NKAIN3: variants seen among roughly 807,000 people sequenced by gnomAD.
NKAIN3 encodes sodium/potassium-transporting ATPase subunit beta-1-interacting protein 3.
Under a neutral mutation model 30.2 loss-of-function variants are expected in NKAIN3, and 25 were observed. The ratio of observed to expected loss-of-function variants is 0.83; its 90% CI spans 0.60 to 1.16. The LOEUF is 1.16. NKAIN3 is among the 50% of genes most tolerant of loss of function. The pLI, the probability that NKAIN3 is intolerant of heterozygous loss-of-function variation, is 0.00. For synonymous variants in NKAIN3, 91 were observed against 89.6 expected (o/e 1.02, Z -0.09); for missense variants, 225 against 254.1 (o/e 0.89, Z 0.78).
At chr8:62,941,553 A>G (rs1822953902) in intron 5 of NKAIN3, among the ~76,000 whole-genome samples, 1 of 152,192 alleles carries the variant, frequency 6.6e-6, no homozygotes. Context: ...TAAAAAGATA[A>G]TCCACCATAA....
Position 62,968,478 on chromosome 8 carries a change from G to A in NKAIN3, c.*3071G>A, listed in dbSNP as rs977989161. On this transcript the variant is annotated 3_prime_UTR_variant, in exon 7 of 7. Coordinates refer to ENST00000623646, the MANE Select transcript of NKAIN3 (RefSeq NM_001304533.3). ...CTTCTCCATATGCAATTGTGTGTCT[G>A]GTCAGAGTAAGGGAAAATGAATGCA... Among the ~76,000 whole-genome samples, 1 of 152,120 alleles carries A rather than the reference G, an allele frequency of 6.6e-6. No individual in the cohort carries two copies. The highest frequency in any genetic ancestry group is 6.5e-5 in the Admixed American group (1 of 15,270).
chr8:62,877,036 C>G (rs1209168772), intron 4 of NKAIN3, among the ~76,000 whole-genome samples: 1 of 151,366 alleles, frequency 6.6e-6, no homozygotes, highest in Non-Finnish European at 1.5e-5. Context: ...AGCTACCCTG[C>G]CTTGAAGGGG....
chr8:62,254,910 C>T (rs1394908542), intron 1 of NKAIN3, among the ~76,000 whole-genome samples: 2 of 152,142 alleles, frequency 1.3e-5, no homozygotes, highest in Admixed American at 6.5e-5. Flanking sequence ...TAATAAATGA[C>T]ATAGACCCTT....
chr8:62,740,669 C>G (rs12677485), intron 3 of NKAIN3, among the ~76,000 whole-genome samples: 1 of 151,470 alleles, frequency 6.6e-6, no homozygotes, highest in Non-Finnish European at 1.5e-5. Flanking sequence ...TAAGCTGATT[C>G]TAATATAGCA....
intron 3 of NKAIN3, among the ~76,000 whole-genome samples, chr8:62,594,794 T>TTCCTCACTTCCTTTCTTCCC (rs1810771678): frequency 1.3e-5 from 2 of 151,966 alleles, no homozygotes; most frequent in Admixed American, 6.6e-5. Flanking sequence ...CCTTCCTTCC[T>TTCCTCACTTCCTTTCTTCCC]TCCTCCCTTC....
chr8:62,789,181 C>T (rs1419480156), intron 4 of NKAIN3, among the ~76,000 whole-genome samples: 4 of 152,044 alleles, frequency 2.6e-5, no homozygotes, highest in African/African-American at 9.7e-5. Context: ...AATGTTCTTC[C>T]ATTTGTTTGT....
At chr8:62,480,720 G>A (rs553728864) in intron 1 of NKAIN3, among the ~76,000 whole-genome samples, 20 of 152,136 alleles carry the variant, frequency 1.3e-4, no homozygotes, top group African/African-American at 4.1e-4. Flanking sequence ...ATCATTTCCT[G>A]TATTACTTTC....
chr8:62,879,163 T>C (rs935882921), intron 4 of NKAIN3, among the ~76,000 whole-genome samples: 1 of 152,188 alleles, frequency 6.6e-6, no homozygotes, highest in Non-Finnish European at 1.5e-5. Context: ...CCACATCCTC[T>C]CCAGCATCTG....
chr8:62,964,318 G>A (rs1585628560), intron 6 of NKAIN3, among the ~76,000 whole-genome samples: 1 of 152,202 alleles, frequency 6.6e-6, no homozygotes, highest in African/African-American at 2.4e-5. Context: ...TTCAACAGAT[G>A]TTTATGAAGT....
intron 1 of NKAIN3, among the ~76,000 whole-genome samples, chr8:62,399,625 A>C (rs376605804): frequency 1.3e-5 from 2 of 152,232 alleles, no homozygotes; most frequent in African/African-American, 4.8e-5. Flanking sequence ...TTGAAAATAT[A>C]AATGACTATG....
At chr8:62,250,224 ATG>A (rs1363763485) in intron 1 of NKAIN3, among the ~76,000 whole-genome samples, 1 of 152,218 alleles carries the variant, frequency 6.6e-6, no homozygotes, top group Non-Finnish European at 1.5e-5. Flanking sequence ...CCTTGTTTAC[ATG>A]AAGGCTTTAG....
intron 1 of NKAIN3, among the ~76,000 whole-genome samples, chr8:62,389,989 T>C (rs966881744): frequency 6.6e-6 from 1 of 152,180 alleles, no homozygotes; most frequent in South Asian, 2.1e-4. Context: ...TGGGAACAAG[T>C]CACCTGTGTA....
At position 62,929,843 on chromosome 8, in the gene NKAIN3, G is replaced by A. The variant is rs374774502; in HGVS notation, c.532+11330G>A. ...AACTTTCTTAAAACTTTATGAGATT[G>A]TTTTGAGATTTTTCTTTTAGCTCAT... On this transcript the variant is annotated intron_variant, in intron 5 of 6. Transcript: ENST00000623646. Among the ~76,000 whole-genome samples, 21 of 152,172 alleles carry A rather than the reference G, an allele frequency of 1.4e-4. No homozygotes were observed. In the South Asian group the frequency reaches 2.5e-3, roughly 18 times the overall value.
chr8:62,872,629 GAC>G (rs1332192067), intron 4 of NKAIN3, among the ~76,000 whole-genome samples: 16 of 152,184 alleles, frequency 1.1e-4, no homozygotes. Context: ...GAATAAGAAA[GAC>G]ACAACTCTGC....
At chr8:62,289,854 T>C (rs1324681891) in intron 1 of NKAIN3, among the ~76,000 whole-genome samples, 2 of 152,210 alleles carry the variant, frequency 1.3e-5, no homozygotes, top group Admixed American at 1.3e-4. Flanking sequence ...TTTCACAATA[T>C]TGATTCTTCC....
chr8:62,397,278 A>G (rs72649390), intron 1 of NKAIN3, among the ~76,000 whole-genome samples: 38,283 of 151,888 alleles, frequency 0.25, 4,990 homozygotes, highest in Middle Eastern at 0.39. Context: ...AAAAAGCACA[A>G]TGAACCAAAA....
In NKAIN3 at chr8:62,971,379, G is replaced by A. The variant is rs1323548869; in HGVS notation, c.*5972G>A. On this transcript the variant is annotated 3_prime_UTR_variant, in exon 7 of 7. Coordinates refer to ENST00000623646, the MANE Select transcript of NKAIN3 (RefSeq NM_001304533.3). Reference sequence around the variant, plus strand: ...TTGCTGGACATGGTGGCTTATGCCTGTAATTTCAGCAATTTGGAAGGCCAA... The same window carrying A: ...TTGCTGGACATGGTGGCTTATGCCTATAATTTCAGCAATTTGGAAGGCCAA... Among the ~76,000 whole-genome samples the A allele has an allele frequency of 1.3e-5, 2 of 152,174 alleles. No individual in the cohort carries two copies. Among genetic ancestry groups the A allele is most frequent in the Admixed American group, 6.5e-5 (1 of 15,278 alleles).
intron 1 of NKAIN3, among the ~76,000 whole-genome samples, chr8:62,571,539 G>A (rs530764979): frequency 3.3e-5 from 5 of 152,186 alleles, no homozygotes; most frequent in Non-Finnish European, 5.9e-5. Flanking sequence ...ACTCCACTAG[G>A]CAGTACCCCA....
chr8:62,639,511 G>T (rs954515413), intron 3 of NKAIN3, among the ~76,000 whole-genome samples: 2 of 152,154 alleles, frequency 1.3e-5, no homozygotes, highest in Admixed American at 1.3e-4. Flanking sequence ...GAGCTGAAAA[G>T]TGAGGCAGTG....
Sources: gnomAD v4.1 joint callset for allele counts (sites outside exome capture counted in the v4.1 genomes callset) on GRCh38, gnomAD v4.1.1 for gene constraint, MANE v1.5 for transcripts, NCBI Gene and HGNC (gene_info 2026-07-23, HGNC 2026-07-21) for gene names.